Variants in TRPC4 observed in about 807,000 individuals in gnomAD.
TRPC4 encodes short transient receptor potential channel 4.
A neutral mutation model predicts 99.4 loss-of-function variants in TRPC4; 49 were observed. That is an observed-to-expected ratio of 0.49 (90% confidence interval 0.39 to 0.63). TRPC4 has a LOEUF of 0.63. Among genes scored for constraint, TRPC4 ranks in the 20% least tolerant of loss-of-function variants. The pLI is 0.00. For synonymous variants in TRPC4, 454 were observed against 425.9 expected (o/e 1.07, Z -0.81); for missense variants, 898 against 1,152.9 (o/e 0.78, Z 3.20).
At chr13:37,768,608 TAAGAC>T (rs1699047268) in intron 2 of TRPC4, among the ~76,000 whole-genome samples, 1 of 151,154 alleles carries the variant, frequency 6.6e-6, no homozygotes, top group African/African-American at 2.4e-5. Flanking sequence ...AGCAACCAGC[TAAGAC>T]ATTAAGAGAC....
intron 1 of TRPC4, among the ~76,000 whole-genome samples, chr13:37,845,219 G>T (rs150169458): frequency 1.3e-5 from 2 of 152,196 alleles, no homozygotes; most frequent in African/African-American, 4.8e-5. Context: ...CTCAAATGTG[G>T]AGGCATTAAT....
At chr13:37,715,800 T>C (rs1333353) in intron 3 of TRPC4, among the ~76,000 whole-genome samples, 46,728 of 152,170 alleles carry the variant, frequency 0.31, 7,586 homozygotes, top group Non-Finnish European at 0.36. Context: ...TGAAATGTGA[T>C]CTTGGTCATT....
At chr13:37,838,306 A>G (rs1958626138) in intron 1 of TRPC4, among the ~76,000 whole-genome samples, 1 of 152,136 alleles carries the variant, frequency 6.6e-6, no homozygotes. Context: ...ACTTATTAGG[A>G]ATGCAAATTC....
chr13:37,646,114 G>A (rs1951855073), intron 8 of TRPC4, among the ~76,000 whole-genome samples: 1 of 152,208 alleles, frequency 6.6e-6, no homozygotes, highest in African/African-American at 2.4e-5. Context: ...GATGATAGCT[G>A]TTGCTAATCT....
chr13:37,660,839 G>T (rs917978823), intron 6 of TRPC4, among the ~76,000 whole-genome samples: 1 of 152,092 alleles, frequency 6.6e-6, no homozygotes, highest in African/African-American at 2.4e-5. Context: ...ACCAAAGAAA[G>T]CACAGAAGTA....
At chr13:37,785,392 A>G (rs978692327) in intron 1 of TRPC4, among the ~76,000 whole-genome samples, 5 of 152,110 alleles carry the variant, frequency 3.3e-5, no homozygotes, top group Admixed American at 6.6e-5. Flanking sequence ...AAAGTTTCAT[A>G]ATAATAATGA....
At chr13:37,771,764 T>C (rs1334500641) in intron 2 of TRPC4, among the ~76,000 whole-genome samples, 1 of 151,778 alleles carries the variant, frequency 6.6e-6, no homozygotes, top group Non-Finnish European at 1.5e-5. Context: ...TTAGGAAATC[T>C]GTTGGGTATA....
chr13:37,838,347 C>A (rs1423677990), intron 1 of TRPC4, among the ~76,000 whole-genome samples: 1 of 152,196 alleles, frequency 6.6e-6, no homozygotes, highest in Non-Finnish European at 1.5e-5. Context: ...ACTAATCCAA[C>A]ACTTTGGGGC....
At chr13:37,703,423 A>C (rs532549601) in intron 3 of TRPC4, among the ~76,000 whole-genome samples, 23 of 152,298 alleles carry the variant, frequency 1.5e-4, no homozygotes, top group East Asian at 5.8e-4. Context: ...ACCACCAAAA[A>C]AAACCAGTGT....
chr13:37,773,511 G>A (rs1270445144), intron 2 of TRPC4, among the ~76,000 whole-genome samples: 2 of 151,688 alleles, frequency 1.3e-5, no homozygotes, highest in Non-Finnish European at 2.9e-5. Context: ...ACAAAGATTC[G>A]AAGGCTGCTA....
intron 1 of TRPC4, among the ~76,000 whole-genome samples, chr13:37,797,721 C>G (rs1957296239): frequency 6.6e-6 from 1 of 152,112 alleles, no homozygotes; most frequent in African/African-American, 2.4e-5. Context: ...GTTCATTATG[C>G]ACAAGGAATT....
At chr13:37,795,327 C>A (rs1160936143) in intron 1 of TRPC4, among the ~76,000 whole-genome samples, 1 of 151,920 alleles carries the variant, frequency 6.6e-6, no homozygotes, top group Admixed American at 6.6e-5. Context: ...TAAATTATAC[C>A]TCAAATAAAG....
chr13:37,841,298 A>C (rs898708683), intron 1 of TRPC4, among the ~76,000 whole-genome samples: 1 of 152,116 alleles, frequency 6.6e-6, no homozygotes, highest in African/African-American at 2.4e-5. Flanking sequence ...ATAAGCAATT[A>C]ATGAAGCAAA....
chr13:37,639,423 A>G, intron 8 of TRPC4, 124 bp from the exon 9 acceptor site: 3 of 902,152 alleles, frequency 3.3e-6, no homozygotes, highest in Non-Finnish European at 5.0e-6. Flanking sequence ...TTTACTAGTC[A>G]ATGGACAATG....
chr13:37,806,790 G>C (rs1437822727), intron 1 of TRPC4, among the ~76,000 whole-genome samples: 3 of 152,008 alleles, frequency 2.0e-5, no homozygotes, highest in African/African-American at 7.2e-5. Context: ...TGAATAATTG[G>C]AGGAGGGGAA....
At chr13:37,836,173 C>G (rs1958559322) in intron 1 of TRPC4, among the ~76,000 whole-genome samples, 1 of 152,166 alleles carries the variant, frequency 6.6e-6, no homozygotes, top group Non-Finnish European at 1.5e-5. Flanking sequence ...CTTCCCCAGC[C>G]ATGTGGAACT....
rs918721464 is a variant in TRPC4, at chr13:37,856,004, TTAG to T, written c.-28+13588_-28+13590del. Among the ~76,000 whole-genome samples, 8 of 151,054 alleles carry T rather than the reference TTAG, an allele frequency of 5.3e-5. No homozygotes were observed. The East Asian group carries it at 9.7e-4, about 18-fold the overall frequency. On this transcript the variant is annotated intron_variant, in intron 1 of 10. Transcript: ENST00000379705. ...AAGCAATAGCAAGCTAAACCCAAAA[TTAG>T]TAGAAAAAAAGAAATAATAAAGATC...
chr13:37,756,170 A>G (rs190142425), intron 2 of TRPC4, among the ~76,000 whole-genome samples: 97 of 152,320 alleles, frequency 6.4e-4, no homozygotes, highest in East Asian at 5.8e-4. Flanking sequence ...ATGTATGTAC[A>G]TGTGTGCACA....
rs140682010 is a variant in TRPC4, at chr13:37,675,562, T to C, written c.1235-1195A>G. On this transcript the variant is annotated intron_variant, in intron 4 of 10. Transcript: ENST00000379705. ...CAAGCCTGGGGAGAAAAGAGGCTGC[T>C]TCTGTGGGAGAGGCACAGTGTCCTC... 1.5e-3 allele frequency among the ~76,000 whole-genome samples: 223 copies of C among 152,290 alleles called. 1 individual carries two copies. The highest frequency in any genetic ancestry group is 6.8e-3 in the Middle Eastern group (2 of 294).
Sources: allele counts gnomAD v4.1 joint callset (sites outside exome capture counted in the v4.1 genomes callset), GRCh38; gene constraint gnomAD v4.1.1; transcripts MANE v1.5; gene names NCBI Gene and HGNC (gene_info 2026-07-23, HGNC 2026-07-21).